The following STARD13 variants were observed in gnomAD, a reference collection of about 807,000 sequenced individuals.
The protein encoded by STARD13 is StAR related lipid transfer domain containing 13.
In STARD13, 62 loss-of-function variants were observed where a neutral mutation model predicts 106.4. The observed-to-expected ratio is 0.58, with a 90% CI of 0.48 to 0.72. The LOEUF (loss-of-function observed/expected upper bound fraction) is 0.72. Among genes scored for constraint, STARD13 ranks in the 30% least tolerant of loss-of-function variants. The pLI is 0.00. For synonymous variants in STARD13, 565 were observed against 553.0 expected (o/e 1.02, Z -0.31); for missense variants, 1,387 against 1,424.0 (o/e 0.97, Z 0.42).
At chr13:33,550,852 C>A in the STARD13 span, among the ~76,000 whole-genome samples, 2 of 152,172 alleles carry the variant, frequency 1.3e-5, no homozygotes, top group African/African-American at 2.4e-5. Context: ...CATAGAACTT[C>A]CAACAATGTA....
intron 1 of STARD13, among the ~76,000 whole-genome samples, chr13:33,261,432 G>T (rs1207965565): frequency 1.3e-5 from 2 of 152,110 alleles, no homozygotes; most frequent in African/African-American, 4.8e-5. Flanking sequence ...ATAAGCCAGC[G>T]CTCCTTTTAG....
chr13:33,416,072 T>C, the STARD13 span, among the ~76,000 whole-genome samples: 2 of 152,258 alleles, frequency 1.3e-5, no homozygotes, highest in African/African-American at 4.8e-5. Context: ...TTCTTTAAGA[T>C]ATTTCTGAAT....
At chr13:33,555,714 A>G in the STARD13 span, among the ~76,000 whole-genome samples, 1 of 152,234 alleles carries the variant, frequency 6.6e-6, no homozygotes, top group African/African-American at 2.4e-5. Context: ...AAGTGAACCT[A>G]GAAAAGTCCC....
rs149409954 is a variant in STARD13 at position 33,127,456 on chromosome 13, C to T, written c.1839G>A (p.Leu613=). Residue 613 remains leucine (L), a synonymous_variant, in exon 6 of 14, where the codon CTG becomes CTA. Transcript: ENST00000336934. ...GCAGTGAGAAGCGCTGGAGCAGGCT[C>T]AGCTGGCTGGCCGTCTGGCTGCTGA... ...PHISSQTASQ[L]SLLQRFSLLR... 4.2e-5 allele frequency: 68 copies of T among 1,601,710 alleles called. No individual in the cohort carries two copies. The African/African-American group carries it at 4.8e-4, about 11-fold the overall frequency.
chr13:33,590,800 A>G, the STARD13 span, among the ~76,000 whole-genome samples: 1,567 of 152,236 alleles, frequency 0.01, 24 homozygotes, highest in African/African-American at 0.035. Flanking sequence ...GCACATGTAT[A>G]CATATGTAAC....
intron 7 of STARD13, among the ~76,000 whole-genome samples, chr13:33,123,218 T>C (rs1876639701): frequency 6.6e-6 from 1 of 152,116 alleles, no homozygotes; most frequent in Non-Finnish European, 1.5e-5. Flanking sequence ...CCCAGCATGA[T>C]TAGGCTTTTA....
intron 1 of STARD13, chr13:33,277,206 C>A (rs1891489869): frequency 6.6e-6 from 1 of 152,136 alleles, no homozygotes; most frequent in African/African-American, 2.4e-5. Flanking sequence ...TATGGTAATT[C>A]CCTATGCATT....
At position 33,127,598 on chromosome 13, in the gene STARD13, G is replaced by A. The variant is rs375533496; in HGVS notation, c.1749-52C>T. The A allele has an allele frequency of 2.8e-5, 42 of 1,485,626 alleles. No individual in the cohort carries two copies. In the African/African-American group the frequency reaches 3.4e-4, roughly 12 times the overall value. The allele number at this position is 1,485,626 out of a possible 1,614,324, so 92.0% of individuals were successfully genotyped here. ...CCAGTCACAAAGTGGACTTGGTAGCGGGAAACACGGGACATCACCAAGGTA... is the reference window on the plus strand; with the variant it reads ...CCAGTCACAAAGTGGACTTGGTAGCAGGAAACACGGGACATCACCAAGGTA... On this transcript the variant is annotated intron_variant, in intron 5 of 13. Transcript: ENST00000336934.
the STARD13 span, among the ~76,000 whole-genome samples, chr13:33,368,527 A>ACAG: frequency 1.3e-3 from 192 of 151,944 alleles, no homozygotes; most frequent in East Asian, 1.5e-3. Context: ...TTAGCAAGAA[A>ACAG]CAGCAGCAGC....
At chr13:33,234,401 CTCA>C (rs1277008878) in intron 1 of STARD13, among the ~76,000 whole-genome samples, 1 of 152,210 alleles carries the variant, frequency 6.6e-6, no homozygotes, top group East Asian at 1.9e-4. Context: ...TGTCTTCACA[CTCA>C]TCATGCCATC....
At chr13:33,206,656 G>T (rs182237170) in intron 1 of STARD13, among the ~76,000 whole-genome samples, 1 of 152,324 alleles carries the variant, frequency 6.6e-6, no homozygotes, top group East Asian at 1.9e-4. Context: ...ATGAGAGGCA[G>T]TTGCTTCTCT....
chr13:33,492,968 C>T, the STARD13 span, among the ~76,000 whole-genome samples: 1 of 152,178 alleles, frequency 6.6e-6, no homozygotes, highest in Non-Finnish European at 1.5e-5. Context: ...CACTCAAATG[C>T]TAAGTGCACT....
chr13:33,420,163 T>C, the STARD13 span, among the ~76,000 whole-genome samples: 3 of 152,248 alleles, frequency 2.0e-5, no homozygotes, highest in South Asian at 6.2e-4. Flanking sequence ...GACTGCCAAA[T>C]TGGATAAAGA....
chr13:33,435,537 T>C, the STARD13 span, among the ~76,000 whole-genome samples: 3 of 152,216 alleles, frequency 2.0e-5, no homozygotes, highest in Non-Finnish European at 4.4e-5. Context: ...CTCATGTGGC[T>C]GTATTACTAC....
At chr13:33,508,822 T>G in the STARD13 span, among the ~76,000 whole-genome samples, 1 of 152,194 alleles carries the variant, frequency 6.6e-6, no homozygotes. Context: ...TGTGGGGACA[T>G]TCTAGAGTTT....
At chr13:33,579,635 CAT>C in the STARD13 span, among the ~76,000 whole-genome samples, 18 of 148,448 alleles carry the variant, frequency 1.2e-4, no homozygotes, top group African/African-American at 3.7e-4. Flanking sequence ...ATTGAAATAT[CAT>C]ATATATATAT....
the STARD13 span, among the ~76,000 whole-genome samples, chr13:33,625,616 G>T: frequency 2.3e-4 from 35 of 152,048 alleles, no homozygotes; most frequent in African/African-American, 7.2e-4. Context: ...CTGGGTGTCT[G>T]GCCTTCCACA....
the STARD13 span, among the ~76,000 whole-genome samples, chr13:33,649,565 A>C: frequency 2.0e-5 from 3 of 152,212 alleles, no homozygotes; most frequent in Non-Finnish European, 4.4e-5. Flanking sequence ...GCATGTTTTC[A>C]TTGTAATATC....
chr13:33,330,689 A>G (rs950420770), intron 1 of STARD13, among the ~76,000 whole-genome samples: 6 of 152,220 alleles, frequency 3.9e-5, no homozygotes, highest in Non-Finnish European at 8.8e-5. Flanking sequence ...CAGTTCCACT[A>G]TGGAAATTAT....
Sources: gnomAD v4.1 joint callset for allele counts (sites outside exome capture counted in the v4.1 genomes callset) on GRCh38, gnomAD v4.1.1 for gene constraint, MANE v1.5 for transcripts, NCBI Gene and HGNC (gene_info 2026-07-23, HGNC 2026-07-21) for gene names.